Variants in GBE1 observed in about 807,000 individuals in gnomAD.
GBE1 encodes the protein 1,4-alpha-glucan-branching enzyme.
Under a neutral mutation model 88.8 loss-of-function variants are expected in GBE1, and 70 were observed. The observed-to-expected ratio is 0.79, with a 90% CI of 0.65 to 0.96. GBE1 has a LOEUF of 0.96. Ranked by LOEUF, GBE1 falls within the 40% of genes least tolerant of loss-of-function variation. The pLI is 0.00. For synonymous variants in GBE1, 284 were observed against 300.1 expected, an observed-to-expected ratio of 0.95 and a Z score of 0.56; for missense variants, 872 against 871.0, an observed-to-expected ratio of 1.00 and a Z score of -0.01.
intron 12 of GBE1, among the ~76,000 whole-genome samples, chr3:81,576,512 C>T (rs1703649127): frequency 6.6e-6 from 1 of 152,172 alleles, no homozygotes; most frequent in Non-Finnish European, 1.5e-5. Flanking sequence ...TAGGTTCATA[C>T]AGTTTACTTA....
At chr3:81,520,207 T>C (rs1245877517) in intron 14 of GBE1, among the ~76,000 whole-genome samples, 1 of 151,464 alleles carries the variant, frequency 6.6e-6, no homozygotes, top group East Asian at 1.9e-4. Context: ...AGATACTGTG[T>C]TTTTTTCAAA....
intron 12 of GBE1, among the ~76,000 whole-genome samples, chr3:81,557,102 C>G (rs932884137): frequency 1.3e-5 from 2 of 152,036 alleles, no homozygotes; most frequent in African/African-American, 4.8e-5. Context: ...AAAAATGATA[C>G]AGCCAGGAAG....
rs536086966 is a variant in GBE1 at position 81,731,741 on chromosome 3, T to C, written c.144-26128A>G. On this transcript the variant is annotated intron_variant, in intron 1 of 15. Coordinates refer to ENST00000429644, the MANE Select transcript of GBE1 (RefSeq NM_000158.4). ...CACCCTCTTCCTCCTGCTCCAACCATGTAACACATGCCTCCTTCCTCTTCA... is the reference window on the plus strand; with the variant it reads ...CACCCTCTTCCTCCTGCTCCAACCACGTAACACATGCCTCCTTCCTCTTCA... 2.6e-5 allele frequency among the ~76,000 whole-genome samples: 4 copies of C among 152,256 alleles called. No individual in the cohort carries two copies. The East Asian group carries it at 5.8e-4, about 22-fold the overall frequency.
chr3:81,737,348 T>A (rs1373994348), intron 1 of GBE1, among the ~76,000 whole-genome samples: 4 of 103,910 alleles, frequency 3.8e-5, no homozygotes, highest in Non-Finnish European at 7.1e-5. Context: ...TATATTTATA[T>A]AAATATATAT....
In GBE1 at chr3:81,642,773, G is replaced by C; in HGVS notation, c.992+8C>G. 6.5e-7 allele frequency: 1 copy of C among 1,536,712 alleles called. No individual in the cohort carries two copies. Among genetic ancestry groups the C allele is most frequent in the South Asian group, 1.1e-5 (1 of 89,406 alleles). ...AATAGAAAACATTTCTATATTGTAT[G>C]TACCTACCTGGAGTAGGCAAACAAT... On this transcript the variant is annotated splice_region_variant and intron_variant, in intron 7 of 15. Coordinates refer to ENST00000429644, the MANE Select transcript of GBE1 (RefSeq NM_000158.4).
intron 7 of GBE1, among the ~76,000 whole-genome samples, chr3:81,622,973 A>C (rs1000769679): frequency 6.0e-4 from 92 of 152,186 alleles, no homozygotes; most frequent in African/African-American, 2.2e-3. Context: ...AAATCTGCCC[A>C]CCAGTTCTAC....
chr3:81,492,706 T>C (rs58807577), intron 15 of GBE1, among the ~76,000 whole-genome samples: 79,397 of 120,052 alleles, frequency 0.66, 24,921 homozygotes, highest in South Asian at 0.8. Context: ...CTCCCTTTCT[T>C]CCTTTCCTTC....
At chr3:81,570,695 T>C (rs971431129) in intron 12 of GBE1, among the ~76,000 whole-genome samples, 2 of 152,188 alleles carry the variant, frequency 1.3e-5, no homozygotes, top group African/African-American at 2.4e-5. Context: ...AAGGATGTTA[T>C]AGGCCTTCAT....
chr3:81,572,928 C>G (rs1428905910), intron 12 of GBE1, among the ~76,000 whole-genome samples: 1 of 152,120 alleles, frequency 6.6e-6, no homozygotes, highest in African/African-American at 2.4e-5. Flanking sequence ...CTCCCTCTGC[C>G]TCAGCTGACT....
intron 1 of GBE1, among the ~76,000 whole-genome samples, chr3:81,712,823 T>TA (rs1406638816): frequency 6.6e-6 from 1 of 151,640 alleles, no homozygotes; most frequent in Non-Finnish European, 1.5e-5. Context: ...AATAAATAAA[T>TA]AAAAAAGCTC....
chr3:81,744,526 T>C (rs1706396749), intron 1 of GBE1, among the ~76,000 whole-genome samples: 1 of 152,148 alleles, frequency 6.6e-6, no homozygotes, highest in South Asian at 2.1e-4. Context: ...ATAACACTCA[T>C]AATGTCCCTT....
chr3:81,704,733 G>A (rs915430811), intron 2 of GBE1, among the ~76,000 whole-genome samples: 1 of 151,940 alleles, frequency 6.6e-6, no homozygotes, highest in Non-Finnish European at 1.5e-5. Flanking sequence ...TTTCAAAACT[G>A]AACTTTCATC....
At chr3:81,522,088 G>A (rs1702881665) in intron 14 of GBE1, among the ~76,000 whole-genome samples, 1 of 151,342 alleles carries the variant, frequency 6.6e-6, no homozygotes, top group South Asian at 2.1e-4. Flanking sequence ...GAGATGCAAT[G>A]GTAAGAGGTC....
intron 12 of GBE1, among the ~76,000 whole-genome samples, chr3:81,541,460 C>G (rs527780172): frequency 4.9e-5 from 7 of 142,486 alleles, no homozygotes; most frequent in Admixed American, 1.4e-4. Flanking sequence ...GCCCCCCCCG[C>G]CACCTCGCCC....
chr3:81,632,008 C>T (rs183469844), intron 7 of GBE1, among the ~76,000 whole-genome samples: 1 of 152,186 alleles, frequency 6.6e-6, no homozygotes, highest in Non-Finnish European at 1.5e-5. Flanking sequence ...CCTCTCTATC[C>T]TCATATGTTC....
chr3:81,552,751 G>C (rs1703289766), intron 12 of GBE1, among the ~76,000 whole-genome samples: 1 of 151,600 alleles, frequency 6.6e-6, no homozygotes, highest in Non-Finnish European at 1.5e-5. Context: ...TTTTAAAATT[G>C]AGAAAATGGA....
At position 81,542,835 on chromosome 3, in the gene GBE1, C is replaced by T. The variant is rs192479003; in HGVS notation, c.1619-5740G>A. ...CACATAACAAACTGCCCATGTACCC[C>T]ATGCATCTAAAATAAAAGTTGAAAT... On this transcript the variant is annotated intron_variant, in intron 12 of 15. Transcript: ENST00000429644. Among the ~76,000 whole-genome samples the T allele has an allele frequency of 5.5e-3, 835 of 151,936 alleles. 5 individuals carry two copies. Among genetic ancestry groups the T allele is most frequent in the Non-Finnish European group, 8.1e-3 (550 of 67,958 alleles).
intron 2 of GBE1, among the ~76,000 whole-genome samples, chr3:81,704,682 C>T (rs1305933025): frequency 6.6e-6 from 1 of 152,096 alleles, no homozygotes; most frequent in Non-Finnish European, 1.5e-5. Flanking sequence ...TTCCTTGTAT[C>T]AAGAACCTTT....
intron 14 of GBE1, among the ~76,000 whole-genome samples, chr3:81,524,993 C>T (rs139354048): frequency 6.1e-4 from 93 of 151,818 alleles, no homozygotes; most frequent in Middle Eastern, 6.8e-3. Context: ...CTTGACCTAG[C>T]CTTGGATTGG....
Sources: allele counts gnomAD v4.1 joint callset (sites outside exome capture counted in the v4.1 genomes callset), GRCh38; gene constraint gnomAD v4.1.1; transcripts MANE v1.5; gene names NCBI Gene and HGNC (gene_info 2026-07-23, HGNC 2026-07-21).